The following GLIS3 variants were observed in gnomAD, a reference collection of about 807,000 sequenced individuals.
The protein encoded by GLIS3 is GLIS family zinc finger 3.
GLIS3 carries 53 observed loss-of-function variants against 78.6 expected under a neutral mutation model. The ratio of observed to expected loss-of-function variants is 0.67; its 90% CI spans 0.54 to 0.85. The LOEUF (loss-of-function observed/expected upper bound fraction) is 0.85, where lower values mean the gene tolerates loss of function less well. Ranked by LOEUF, GLIS3 falls within the 40% of genes least tolerant of loss-of-function variation. The pLI, the probability that GLIS3 is intolerant of heterozygous loss-of-function variation, is 0.00. For synonymous variants in GLIS3, 684 were observed against 509.9 expected (o/e 1.34, Z -4.60); for missense variants, 1,703 against 1,231.1 (o/e 1.38, Z -5.74).
At chr9:4,164,191 T>C (rs933291414) in intron 2 of GLIS3, among the ~76,000 whole-genome samples, 11 of 152,340 alleles carry the variant, frequency 7.2e-5, no homozygotes, top group Admixed American at 2.0e-4. Context: ...TATTACATCC[T>C]GACTCTGACA....
chr9:3,904,544 A>G (rs1823531737), intron 6 of GLIS3, among the ~76,000 whole-genome samples: 2 of 152,180 alleles, frequency 1.3e-5, no homozygotes, highest in South Asian at 4.1e-4. Flanking sequence ...ACTGATACAG[A>G]TACTATTACA....
intron 1 of GLIS3, among the ~76,000 whole-genome samples, chr9:4,298,749 C>A (rs1446345274): frequency 3.3e-5 from 5 of 152,082 alleles, no homozygotes; most frequent in Admixed American, 6.6e-5. Context: ...TGCGTCCTGG[C>A]GGCGTGGGAG....
chr9:4,473,459 AC>A, the GLIS3 span, among the ~76,000 whole-genome samples: 7 of 148,368 alleles, frequency 4.7e-5, no homozygotes, highest in African/African-American at 1.5e-4. Context: ...AACAACAACA[AC>A]AAAAAAAAAG....
chr9:4,313,208 C>T (rs1817390891), intron 2 of GLIS3, among the ~76,000 whole-genome samples: 1 of 152,186 alleles, frequency 6.6e-6, no homozygotes, highest in Non-Finnish European at 1.5e-5. Context: ...TCATCAAACT[C>T]CTCTAATGAG....
intron 2 of GLIS3, among the ~76,000 whole-genome samples, chr9:4,248,774 C>T (rs750784725): frequency 2.6e-4 from 40 of 152,140 alleles, no homozygotes; most frequent in Non-Finnish European, 4.7e-4. Context: ...TTTTAATGAC[C>T]GCCATTCCAA....
At chr9:4,402,444 A>G in the GLIS3 span, among the ~76,000 whole-genome samples, 1 of 152,256 alleles carries the variant, frequency 6.6e-6, no homozygotes, top group Non-Finnish European at 1.5e-5. Flanking sequence ...CATCAACACC[A>G]TCCAGGAAAA....
chr9:4,194,631 C>T (rs1432136472), intron 2 of GLIS3, among the ~76,000 whole-genome samples: 2 of 152,154 alleles, frequency 1.3e-5, no homozygotes, highest in Non-Finnish European at 2.9e-5. Flanking sequence ...TCATTATAGA[C>T]ACCCCAAATC....
At chr9:4,044,579 G>A (rs1372202522) in intron 4 of GLIS3, among the ~76,000 whole-genome samples, 2 of 152,034 alleles carry the variant, frequency 1.3e-5, no homozygotes, top group Non-Finnish European at 1.5e-5. Context: ...CTTTTTGCTG[G>A]CCAGCACATG....
chr9:3,870,910 C>A (rs1036770266), intron 8 of GLIS3, among the ~76,000 whole-genome samples: 24 of 152,204 alleles, frequency 1.6e-4, no homozygotes, highest in African/African-American at 4.8e-4. Flanking sequence ...AAAAGTCCAC[C>A]GTCCAAAGTC....
the GLIS3 span, among the ~76,000 whole-genome samples, chr9:4,377,941 AT>A: frequency 6.6e-6 from 1 of 152,178 alleles, no homozygotes; most frequent in Admixed American, 6.6e-5. Context: ...AATATTAAAT[AT>A]TCAAAAATAC....
intron 1 of GLIS3, among the ~76,000 whole-genome samples, chr9:4,289,800 T>C (rs1024093836): frequency 8.5e-5 from 13 of 152,168 alleles, no homozygotes; most frequent in Non-Finnish European, 1.8e-4. Flanking sequence ...ATTCTGCTAA[T>C]ATGAGTCAGC....
At chr9:4,266,883 C>A (rs900468945) in intron 2 of GLIS3, among the ~76,000 whole-genome samples, 10 of 152,164 alleles carry the variant, frequency 6.6e-5, no homozygotes, top group Admixed American at 6.5e-4. Context: ...TGGCAACTCT[C>A]AGAACCTAAT....
chr9:4,333,636 C>T (rs1159663292), intron 2 of GLIS3, among the ~76,000 whole-genome samples: 1 of 152,050 alleles, frequency 6.6e-6, no homozygotes, highest in Non-Finnish European at 1.5e-5. Flanking sequence ...GTTTCCCTAA[C>T]ATACTTGGCT....
intron 4 of GLIS3, among the ~76,000 whole-genome samples, chr9:4,098,341 A>C (rs553045760): frequency 1.3e-5 from 2 of 152,198 alleles, no homozygotes; most frequent in Non-Finnish European, 2.9e-5. Context: ...AAGAATTACT[A>C]ATGGGGGGCT....
rs1041938229 is a variant in GLIS3 at position 4,299,563 on chromosome 9, C to G, written c.-241G>C. 1.3e-5 allele frequency: 2 copies of G among 152,606 alleles called. No homozygotes were observed. The highest frequency in any genetic ancestry group is 2.9e-5 in the Non-Finnish European group (2 of 68,038). The allele number at this position is 152,606 out of a possible 1,614,324, so 9.5% of individuals were successfully genotyped here. On this transcript the variant is annotated 5_prime_UTR_variant, in exon 1 of 11. Transcript: ENST00000381971. ...TCAGAGCGCTCCGCGGGCTGTGCCTCCTTCGGAAATGAAAACCCCCATCCA... is the reference window on the plus strand; with the variant it reads ...TCAGAGCGCTCCGCGGGCTGTGCCTGCTTCGGAAATGAAAACCCCCATCCA...
chr9:4,278,571 T>G (rs1827234002), intron 2 of GLIS3, among the ~76,000 whole-genome samples: 1 of 152,156 alleles, frequency 6.6e-6, no homozygotes, highest in East Asian at 1.9e-4. Context: ...CTGTAGTGAT[T>G]CACAAAAAGA....
chr9:4,336,686 C>T (rs1290147806), intron 2 of GLIS3, among the ~76,000 whole-genome samples: 1 of 152,224 alleles, frequency 6.6e-6, no homozygotes, highest in Non-Finnish European at 1.5e-5. Flanking sequence ...CCTTGCCATT[C>T]CTCAAAACTA....
intron 8 of GLIS3, among the ~76,000 whole-genome samples, chr9:3,876,626 A>G (rs1821325198): frequency 1.9e-5 from 1 of 51,984 alleles, no homozygotes; most frequent in Non-Finnish European, 3.8e-5. Flanking sequence ...ACAAAGAATC[A>G]CCAAAGTCAG....
intron 1 of GLIS3, among the ~76,000 whole-genome samples, chr9:4,292,409 G>C (rs554335998): frequency 1.3e-5 from 2 of 151,978 alleles, no homozygotes; most frequent in African/African-American, 4.8e-5. Flanking sequence ...GGTGAGTCAC[G>C]GCCAAAACAG....
Sources: gnomAD v4.1 joint callset for allele counts (sites outside exome capture counted in the v4.1 genomes callset) on GRCh38, gnomAD v4.1.1 for gene constraint, MANE v1.5 for transcripts, NCBI Gene and HGNC (gene_info 2026-07-23, HGNC 2026-07-21) for gene names.